TSC22D3: variants seen among roughly 807,000 people sequenced by gnomAD.
TSC22D3 encodes TSC22 domain family member 3, also known as TSC22 domain family protein 3.
A neutral mutation model predicts 11.1 loss-of-function variants in TSC22D3; 4 were observed. That is an observed-to-expected ratio of 0.36 (90% CI 0.18 to 0.83). The LOEUF (loss-of-function observed/expected upper bound fraction) is 0.83, where lower values mean the gene tolerates loss of function less well. TSC22D3 is among the 40% of genes least tolerant of loss of function. The pLI, the probability that TSC22D3 is intolerant of heterozygous loss-of-function variation, is 0.48. For synonymous variants in TSC22D3, 77 were observed against 70.3 expected (o/e 1.10, Z -0.48); for missense variants, 118 against 159.4 (o/e 0.74, Z 1.40).
intron 1 of TSC22D3, among the ~76,000 whole-genome samples, chrX:107,739,695 T>A (rs1928307420): frequency 8.9e-6 from 1 of 112,791 alleles, no homozygotes; most frequent in African/African-American, 3.2e-5. Context: ...TCCCATGGCC[T>A]GAGGGGAAGC....
chrX:107,726,273 T>C, intron 1 of TSC22D3, among the ~76,000 whole-genome samples: 1 of 112,283 alleles, frequency 8.9e-6, no homozygotes, highest in Non-Finnish European at 1.9e-5. Flanking sequence ...TTTTATTTTA[T>C]TTTATTTTTA....
intron 1 of TSC22D3, among the ~76,000 whole-genome samples, chrX:107,740,534 A>G (rs1480254113): frequency 9.0e-5 from 10 of 110,650 alleles, no homozygotes; most frequent in Non-Finnish European, 1.7e-4. Flanking sequence ...GTGAGCCAAG[A>G]TCGTGCCACT....
chrX:107,774,904 A>G lies in TSC22D3; in HGVS notation c.320+196T>C, dbSNP rs1185662009. On this transcript the variant is annotated intron_variant, in intron 1 of 2. Transcript: ENST00000372383. ...AGCCTTTGCAGGCAGCTTTCAGAAT[A>G]GGGCTTGCACCTGCCAGTCCTCCCC... The G allele has an allele frequency of 6.5e-6, 3 of 464,992 alleles. No individual in the cohort carries two copies. In the East Asian group the frequency reaches 1.1e-4, roughly 17 times the overall value. 38.3% of individuals were successfully genotyped at this position (464,992 alleles called of 1,213,427 possible).
chrX:107,747,264 G>T lies in TSC22D3; in HGVS notation c.320+27836C>A, dbSNP rs972353606. On this transcript the variant is annotated intron_variant, in intron 1 of 2. Coordinates refer to ENST00000372383, the MANE Select transcript of TSC22D3 (RefSeq NM_198057.3). ...TTGCTTAGTCCCCCTTATCACACAC[G>T]CCCTGGGACCACATCTTGTCCCCTG... Among the ~76,000 whole-genome samples the T allele has an allele frequency of 4.4e-5, 5 of 112,473 alleles. No homozygotes were observed. The East Asian group carries it at 1.1e-3, about 25-fold the overall frequency.
At chrX:107,744,982 T>C (rs757003430) in intron 1 of TSC22D3, among the ~76,000 whole-genome samples, 28 of 111,963 alleles carry the variant, frequency 2.5e-4, no homozygotes, top group Admixed American at 5.7e-4. Flanking sequence ...GTAATAACAA[T>C]TGGGGAGGCC....
At chrX:107,738,468 C>G (rs969374856) in intron 1 of TSC22D3, among the ~76,000 whole-genome samples, 9 of 112,754 alleles carry the variant, frequency 8.0e-5, no homozygotes, top group Non-Finnish European at 1.3e-4. Flanking sequence ...CCCAGGTTTC[C>G]TGGATCCTGG....
intron 1 of TSC22D3, among the ~76,000 whole-genome samples, chrX:107,756,613 C>T (rs1929191489): frequency 8.9e-6 from 1 of 112,376 alleles, no homozygotes; most frequent in Admixed American, 9.4e-5. Flanking sequence ...CTGAGCCTGC[C>T]TCCCTCCCTC....
intron 1 of TSC22D3, among the ~76,000 whole-genome samples, chrX:107,749,728 G>T (rs975595909): frequency 1.8e-5 from 2 of 112,218 alleles, no homozygotes; most frequent in African/African-American, 6.5e-5. Context: ...CACTCCAGTG[G>T]CACACACTGT....
At chrX:107,715,265 C>A (rs1195424581) in intron 2 of TSC22D3, among the ~76,000 whole-genome samples, 1 of 112,283 alleles carries the variant, frequency 8.9e-6, no homozygotes, top group Non-Finnish European at 1.9e-5. Context: ...AGCTGTCCTG[C>A]AGCCGGCCAG....
chrX:107,742,281 A>AAAG (rs1928442611), intron 1 of TSC22D3, among the ~76,000 whole-genome samples: 2 of 56,813 alleles, frequency 3.5e-5, no homozygotes, highest in Non-Finnish European at 6.1e-5. Flanking sequence ...GAGAGAGAGA[A>AAAG]AGAGAGAGAG....
At chrX:107,730,463 G>C (rs907404117) in intron 1 of TSC22D3, among the ~76,000 whole-genome samples, 1 of 111,721 alleles carries the variant, frequency 9.0e-6, no homozygotes, top group African/African-American at 3.3e-5. Flanking sequence ...GGTGGGGCCT[G>C]TTTCTTTCAA....
At chrX:107,714,852 G>C (rs1045955824) in intron 2 of TSC22D3, 103 bp from the exon 3 acceptor site, 3 of 788,110 alleles carry the variant, frequency 3.8e-6, no homozygotes, top group Non-Finnish European at 5.6e-6. Flanking sequence ...CTTAATGCCA[G>C]GGCCCTCCAG....
chrX:107,719,898 C>T (rs1004888182), intron 1 of TSC22D3, among the ~76,000 whole-genome samples: 32 of 111,711 alleles, frequency 2.9e-4, no homozygotes, highest in African/African-American at 9.8e-4. Context: ...CTTTATGAGA[C>T]GGCCATGCTC....
At chrX:107,721,672 CGA>C (rs1927335213) in intron 1 of TSC22D3, among the ~76,000 whole-genome samples, 2 of 111,775 alleles carry the variant, frequency 1.8e-5, no homozygotes, top group South Asian at 7.5e-4. Context: ...AGACATGATG[CGA>C]GAGGTGCGGG....
chrX:107,716,918 C>T, intron 1 of TSC22D3: 1 of 1,149,293 alleles, frequency 8.7e-7, no homozygotes, highest in Non-Finnish European at 1.2e-6. Context: ...GCGCTGGAGT[C>T]CGGCCCTGAG....
rs189584221 is a variant in TSC22D3, at chrX:107,714,390, T to C, written c.*129A>G. On this transcript the variant is annotated 3_prime_UTR_variant, in exon 3 of 3. Coordinates refer to ENST00000372383, the MANE Select transcript of TSC22D3 (RefSeq NM_198057.3). ...CCCAGGTGGCCATGTCCTTAGGACA[T>C]CTCTTGGCACCAGCTGTGCTAGGTG... 2,034 of 595,816 alleles carry C rather than the reference T, an allele frequency of 3.4e-3. 11 individuals carry two copies. Among genetic ancestry groups the C allele is most frequent in the South Asian group, 6.2e-3 (205 of 32,905 alleles). 49.1% of individuals were successfully genotyped at this position (595,816 alleles called of 1,213,427 possible).
chrX:107,714,331 C>T lies in TSC22D3; in HGVS notation c.*188G>A, dbSNP rs1373834722. 2 of 434,415 alleles carry T rather than the reference C, an allele frequency of 4.6e-6. No homozygotes were observed. The highest frequency in any genetic ancestry group is 3.8e-5 in the East Asian group (1 of 26,516). 35.8% of individuals were successfully genotyped at this position (434,415 alleles called of 1,213,427 possible). ...CCCCATGCAACTCAGCCTCCAGAGA[C>T]CTGCTCTTGTCAGGGGTCTGTCGCT... On this transcript the variant is annotated 3_prime_UTR_variant, in exon 3 of 3. Coordinates refer to ENST00000372383, the MANE Select transcript of TSC22D3 (RefSeq NM_198057.3).
At chrX:107,744,849 G>T (rs1175140022) in intron 1 of TSC22D3, among the ~76,000 whole-genome samples, 1 of 111,987 alleles carries the variant, frequency 8.9e-6, no homozygotes, top group Admixed American at 9.5e-5. Flanking sequence ...TTGACCCAAA[G>T]CTTCTGAAGG....
intron 1 of TSC22D3, among the ~76,000 whole-genome samples, chrX:107,724,984 C>T (rs1251638251): frequency 2.7e-5 from 3 of 111,473 alleles, no homozygotes; most frequent in Non-Finnish European, 5.7e-5. Context: ...CCCTCTGTGA[C>T]TTGAGAAGTG....
Sources: gnomAD v4.1 joint callset for allele counts (sites outside exome capture counted in the v4.1 genomes callset) on GRCh38, gnomAD v4.1.1 for gene constraint, MANE v1.5 for transcripts, NCBI Gene and HGNC (gene_info 2026-07-23, HGNC 2026-07-21) for gene names.